ADAMTSL1: variants seen among roughly 807,000 people sequenced by gnomAD.
ADAMTSL1 encodes the protein ADAMTS-like protein 1.
A neutral mutation model predicts 201.8 loss-of-function variants in ADAMTSL1; 126 were observed. The ratio of observed to expected loss-of-function variants is 0.62; its 90% confidence interval spans 0.54 to 0.72. ADAMTSL1 has a LOEUF of 0.72. Ranked by LOEUF, ADAMTSL1 falls within the 30% of genes least tolerant of loss-of-function variation. ADAMTSL1 has a pLI of 0.00. For missense variants in ADAMTSL1, 2,679 were observed against 2,277.8 expected (o/e 1.18, Z -3.59); for synonymous variants, 1,121 against 903.4 (o/e 1.24, Z -4.32).
In ADAMTSL1 at chr9:18,381,718, C is replaced by G. The variant is rs1213461841; in HGVS notation, c.208-123111C>G. 2.6e-5 allele frequency among the ~76,000 whole-genome samples: 4 copies of G among 151,938 alleles called. No individual in the cohort carries two copies. The East Asian group carries it at 7.7e-4, about 29-fold the overall frequency. On this transcript the variant is annotated intron_variant, in intron 2 of 29. Coordinates refer to the ADAMTSL1 transcript ENST00000680146. ...TGATGTTACTGGCTCTGTAAAGAAG[C>G]AGGGAAAGAAAAATGAGCCAATTTT...
intron 1 of ADAMTSL1, among the ~76,000 whole-genome samples, chr9:18,030,873 T>C (rs1820922742): frequency 6.6e-6 from 1 of 152,184 alleles, no homozygotes; most frequent in South Asian, 2.1e-4. Flanking sequence ...AATTCATTTT[T>C]CTTTATTTTT....
intron 2 of ADAMTSL1, among the ~76,000 whole-genome samples, chr9:18,283,620 A>AGG (rs1238461348): frequency 6.7e-6 from 1 of 148,328 alleles, no homozygotes; most frequent in Non-Finnish European, 1.5e-5. Context: ...AAAAAAAAAA[A>AGG]AAAAAAAAAA....
chr9:18,200,855 T>G (rs1046919318), intron 2 of ADAMTSL1, among the ~76,000 whole-genome samples: 1 of 151,956 alleles, frequency 6.6e-6, no homozygotes, highest in African/African-American at 2.4e-5. Flanking sequence ...GGATAACTAA[T>G]TACAAAGAAA....
chr9:18,233,956 T>C (rs1414086926), intron 2 of ADAMTSL1, among the ~76,000 whole-genome samples: 1 of 152,194 alleles, frequency 6.6e-6, no homozygotes, highest in African/African-American at 2.4e-5. Flanking sequence ...CCCTGATTCA[T>C]ATTTGAAAAC....
chr9:18,275,036 A>T (rs958006848), intron 2 of ADAMTSL1, among the ~76,000 whole-genome samples: 2 of 152,160 alleles, frequency 1.3e-5, no homozygotes, highest in African/African-American at 2.4e-5. Flanking sequence ...TTGGATATCT[A>T]AAGTAAGAGA....
chr9:18,574,712 C>T (rs1587611340), intron 4 of ADAMTSL1, among the ~76,000 whole-genome samples: 1 of 152,102 alleles, frequency 6.6e-6, no homozygotes, highest in South Asian at 2.1e-4. Flanking sequence ...AAACTTGCTA[C>T]TTTACTATAA....
intron 1 of ADAMTSL1, among the ~76,000 whole-genome samples, chr9:17,965,571 C>T (rs1054680305): frequency 6.6e-6 from 1 of 152,160 alleles, no homozygotes; most frequent in African/African-American, 2.4e-5. Context: ...ACAAACCAAA[C>T]CAACCAAGTC....
intron 2 of ADAMTSL1, among the ~76,000 whole-genome samples, chr9:18,391,989 G>A (rs764671871): frequency 3.3e-5 from 5 of 151,330 alleles, no homozygotes; most frequent in Admixed American, 3.3e-4. Context: ...CATGCCCAGC[G>A]AATTTTTGTA....
intron 3 of ADAMTSL1, among the ~76,000 whole-genome samples, chr9:18,538,714 G>A (rs1002571690): frequency 6.6e-6 from 1 of 152,174 alleles, no homozygotes; most frequent in South Asian, 2.1e-4. Flanking sequence ...AAAATTCATG[G>A]CATTCACAGA....
intron 2 of ADAMTSL1, among the ~76,000 whole-genome samples, chr9:18,446,982 T>TTTTTTTTTTTTTTTTTTTTTTTTTGAG (rs1563966224): frequency 6.6e-6 from 1 of 151,926 alleles, no homozygotes; most frequent in African/African-American, 2.4e-5. Context: ...TTTTTTTTTT[T>TTTTTTTTTTTTTTTTTTTTTTTTTGAG]AAACAAAACT....
rs914244125 is a variant in ADAMTSL1 at position 18,076,309 on chromosome 9, A to T, written c.88-87553A>T. ...ATTAATACATTCTTCTGCACATCTT[A>T]CTGAGTTCCTTCTGTAGTCTAGGTA... On this transcript the variant is annotated intron_variant, in intron 1 of 29. Coordinates refer to the ADAMTSL1 transcript ENST00000680146. Among the ~76,000 whole-genome samples the T allele has an allele frequency of 1.1e-4, 16 of 152,202 alleles. No individual in the cohort carries two copies. In the East Asian group the frequency reaches 3.1e-3, roughly 29 times the overall value.
chr9:18,031,268 G>C (rs2131606804), intron 1 of ADAMTSL1, among the ~76,000 whole-genome samples: 1 of 152,238 alleles, frequency 6.6e-6, no homozygotes, highest in South Asian at 2.1e-4. Context: ...CATCTGAGGA[G>C]GCTGGTGTTT....
chr9:18,735,109 C>T (rs1818428797), intron 15 of ADAMTSL1, among the ~76,000 whole-genome samples: 1 of 152,144 alleles, frequency 6.6e-6, no homozygotes, highest in Non-Finnish European at 1.5e-5. Context: ...CTCCAAGGTA[C>T]CATGCTGCCT....
At chr9:18,019,415 G>A (rs901296837) in intron 1 of ADAMTSL1, among the ~76,000 whole-genome samples, 1 of 152,066 alleles carries the variant, frequency 6.6e-6, no homozygotes, top group African/African-American at 2.4e-5. Flanking sequence ...ATAGTCTAAA[G>A]ATGAAGCTAA....
chr9:18,420,692 G>A (rs1173256655), intron 2 of ADAMTSL1, among the ~76,000 whole-genome samples: 1 of 152,180 alleles, frequency 6.6e-6, no homozygotes, highest in African/African-American at 2.4e-5. Flanking sequence ...GAGGGAGGAT[G>A]TTGCATTCAA....
At chr9:18,274,216 G>T (rs189053612) in intron 2 of ADAMTSL1, among the ~76,000 whole-genome samples, 1 of 152,128 alleles carries the variant, frequency 6.6e-6, no homozygotes, top group Non-Finnish European at 1.5e-5. Flanking sequence ...TATCCCTATC[G>T]CTACGCATGG....
intron 1 of ADAMTSL1, among the ~76,000 whole-genome samples, chr9:17,957,646 C>A (rs1307854736): frequency 6.6e-6 from 1 of 152,178 alleles, no homozygotes; most frequent in Non-Finnish European, 1.5e-5. Context: ...CCACTTAGAA[C>A]CTCAGAATGT....
chr9:18,507,927 G>A (rs971622117), intron 2 of ADAMTSL1, among the ~76,000 whole-genome samples: 1 of 152,168 alleles, frequency 6.6e-6, no homozygotes, highest in Non-Finnish European at 1.5e-5. Context: ...GCTCACGCCT[G>A]TAATTGCAGC....
At chr9:18,296,598 A>G (rs1477810997) in intron 2 of ADAMTSL1, among the ~76,000 whole-genome samples, 22 of 152,206 alleles carry the variant, frequency 1.4e-4, no homozygotes, top group Admixed American at 1.3e-3. Context: ...AAACTTTTCT[A>G]TATGTTTGAA....
Sources: gnomAD v4.1 joint callset for allele counts (sites outside exome capture counted in the v4.1 genomes callset) on GRCh38, gnomAD v4.1.1 for gene constraint, MANE v1.5 for transcripts, NCBI Gene and HGNC (gene_info 2026-07-23, HGNC 2026-07-21) for gene names.